CERKL: variants seen among roughly 807,000 people sequenced by gnomAD.
CERKL encodes the protein ceramide kinase-like protein.
Under a neutral mutation model 63.4 loss-of-function variants are expected in CERKL, and 61 were observed. The observed-to-expected ratio is 0.96, with a 90% confidence interval of 0.78 to 1.19. The LOEUF (loss-of-function observed/expected upper bound fraction) is 1.19. Among genes scored for constraint, CERKL ranks in the 50% most tolerant of loss-of-function variants. The probability of loss-of-function intolerance (pLI) is 0.00; values close to 1 mark genes in which losing one functional copy is unlikely to be tolerated. For missense variants in CERKL, 675 were observed against 655.5 expected, an observed-to-expected ratio of 1.03 and a Z score of -0.33; for synonymous variants, 250 against 230.5, an observed-to-expected ratio of 1.08 and a Z score of -0.77.
chr2:181,610,421 G>T (rs1018053222), intron 1 of CERKL, among the ~76,000 whole-genome samples: 15 of 152,124 alleles, frequency 9.9e-5, no homozygotes, highest in African/African-American at 2.9e-4. Flanking sequence ...AACAAGTTGG[G>T]AATATGTATC....
rs1559066750 is a variant in CERKL, at chr2:181,539,103, C to A, written c.1527G>T (p.Glu509Asp). 1 of 1,602,664 alleles carries A rather than the reference C, an allele frequency of 6.2e-7. No individual in the cohort carries two copies. Among genetic ancestry groups the A allele is most frequent in the Non-Finnish European group, 8.5e-7 (1 of 1,170,030 alleles). The change falls in exon 12 of 13, where the codon GAG (glutamate) becomes GAT (aspartate). Residue 509 changes from glutamate to aspartate, a missense_variant. Glu to Asp is a conservative substitution (Grantham distance 45). Transcript: ENST00000410087. ...ATAAATAGACTTACCTAATATGGAC[C>A]TCTGATGCAACTTCCATTAAGTCAC... The part of the protein sequence containing the change: ...VDGDLMEVAS[E>D]VHIRLHPRLI...
intron 2 of CERKL, among the ~76,000 whole-genome samples, chr2:181,588,135 T>G (rs908415291): frequency 1.3e-5 from 2 of 152,124 alleles, no homozygotes; most frequent in African/African-American, 4.8e-5. Flanking sequence ...AATCTACTCT[T>G]AACAATTTTC....
chr2:181,618,380 T>C (rs1470263888), intron 1 of CERKL, among the ~76,000 whole-genome samples: 2 of 152,084 alleles, frequency 1.3e-5, no homozygotes, highest in African/African-American at 4.8e-5. Context: ...ATGTTATTTA[T>C]GTTAATATGC....
At chr2:181,573,590 A>T (rs985787798) in intron 3 of CERKL, among the ~76,000 whole-genome samples, 163 bp downstream of exon 3, 2 of 152,172 alleles carry the variant, frequency 1.3e-5, no homozygotes, top group African/African-American at 4.8e-5. Context: ...TAACAAAAAT[A>T]ATTAAATTAT....
In CERKL at chr2:181,550,778, A is replaced by G. The variant is rs1363997909; in HGVS notation, c.821-1070T>C. 1.3e-5 allele frequency among the ~76,000 whole-genome samples: 2 copies of G among 152,176 alleles called. No individual in the cohort carries two copies. The highest frequency in any genetic ancestry group is 2.9e-5 in the Non-Finnish European group (2 of 68,028). On this transcript the variant is annotated intron_variant, in intron 5 of 12. Coordinates refer to ENST00000410087, the MANE Select transcript of CERKL (RefSeq NM_201548.5). This position sits in a 1 kb window ranked among gnomAD's most constrained non-coding sequence, Gnocchi z 4.5. ...GCCATTATCAACCAAGAGGTCATTA[A>G]TATCATAATTTTTTAGGTAACTAAG...
intron 1 of CERKL, among the ~76,000 whole-genome samples, chr2:181,644,824 TA>T (rs951567781): frequency 3.6e-4 from 55 of 151,890 alleles, no homozygotes; most frequent in African/African-American, 8.5e-4. Context: ...ATCATTCAAA[TA>T]AAAAAAAGCA....
chr2:181,590,691 T>C (rs1450582031), intron 2 of CERKL, among the ~76,000 whole-genome samples: 1 of 152,204 alleles, frequency 6.6e-6, no homozygotes, highest in Non-Finnish European at 1.5e-5. Flanking sequence ...GATGCTGAAC[T>C]TTAATGTATT....
At chr2:181,603,267 G>A (rs1685532910) in intron 2 of CERKL, among the ~76,000 whole-genome samples, 1 of 152,056 alleles carries the variant, frequency 6.6e-6, no homozygotes, top group South Asian at 2.1e-4. Flanking sequence ...TTCTTATATA[G>A]TTCAAAAAAG....
chr2:181,550,398 G>A lies in CERKL; in HGVS notation c.821-690C>T, dbSNP rs567555837. 4.6e-5 allele frequency among the ~76,000 whole-genome samples: 7 copies of A among 152,228 alleles called. No homozygotes were observed. In the South Asian group the frequency reaches 1.2e-3, roughly 27 times the overall value. On this transcript the variant is annotated intron_variant, in intron 5 of 12. Coordinates refer to ENST00000410087, the MANE Select transcript of CERKL (RefSeq NM_201548.5). This position sits in a 1 kb window ranked among gnomAD's most constrained non-coding sequence, Gnocchi z 4.5. Reference sequence around the variant, plus strand: ...CCACCAGTCCACAGAGGCAAAGAGCGCCCTAAGTCAGGCCCCTTTAATGTT... The same window carrying A: ...CCACCAGTCCACAGAGGCAAAGAGCACCCTAAGTCAGGCCCCTTTAATGTT...
At position 181,537,489 on chromosome 2, in the gene CERKL, C is replaced by A. The variant is rs1687203929; in HGVS notation, c.*695G>T. 2.2e-6 allele frequency: 1 copy of A among 453,418 alleles called. No homozygotes were observed. Among genetic ancestry groups the A allele is most frequent in the South Asian group, 1.6e-5 (1 of 64,450 alleles). The allele number at this position is 453,418 out of a possible 1,614,324, so 28.1% of individuals were successfully genotyped here. On this transcript the variant is annotated 3_prime_UTR_variant, in exon 13 of 13. Coordinates refer to ENST00000410087, the MANE Select transcript of CERKL (RefSeq NM_201548.5). The stretch of plus-strand genomic sequence containing the variant: ...TTTAAGAAGACAGGGATGGGTTATT[C>A]TTTTTTGGCAGGTAGGCTATATAAC...
At chr2:181,610,928 A>G (rs913842340) in intron 1 of CERKL, among the ~76,000 whole-genome samples, 2 of 152,206 alleles carry the variant, frequency 1.3e-5, no homozygotes, top group African/African-American at 2.4e-5. Context: ...TTTAGCTAAA[A>G]TAATACTTAT....
chr2:181,570,853 CATCAT>C (rs1049935370), intron 3 of CERKL, among the ~76,000 whole-genome samples: 36 of 152,204 alleles, frequency 2.4e-4, no homozygotes, highest in African/African-American at 8.4e-4. Context: ...CTAATTAACT[CATCAT>C]ATAGGGTTTA....
rs114748975 is a variant in CERKL at position 181,654,940 on chromosome 2, C to A, written c.238+1829G>T. Among the ~76,000 whole-genome samples the A allele has an allele frequency of 5.7e-3, 866 of 152,216 alleles. 5 individuals carry two copies. The highest frequency in any genetic ancestry group is 9.0e-3 in the Non-Finnish European group (611 of 68,016). On this transcript the variant is annotated intron_variant, in intron 1 of 12. Transcript: ENST00000410087. ...GCTGGGATTACAGGGACACACCACG[C>A]CTGGCTATATTTTACCTAAATAAAA...
At chr2:181,577,020 A>T (rs373784537) in intron 2 of CERKL, among the ~76,000 whole-genome samples, 10 of 152,268 alleles carry the variant, frequency 6.6e-5, no homozygotes, top group South Asian at 4.1e-4. Context: ...TAAAACATAG[A>T]TTCTGGGCTC....
At chr2:181,603,139 T>A in intron 2 of CERKL, 1 of 270,476 alleles carries the variant, frequency 3.7e-6, no homozygotes, top group South Asian at 3.6e-5. Context: ...AAATAGGTAA[T>A]TCTCAATTAC....
intron 1 of CERKL, among the ~76,000 whole-genome samples, chr2:181,639,618 C>T (rs1687334610): frequency 1.3e-5 from 2 of 152,148 alleles, no homozygotes; most frequent in African/African-American, 2.4e-5. Flanking sequence ...GACCATGATG[C>T]TTTACTACCA....
intron 4 of CERKL, among the ~76,000 whole-genome samples, chr2:181,561,461 A>G (rs187981056): frequency 7.8e-4 from 119 of 152,158 alleles, no homozygotes; most frequent in African/African-American, 2.5e-3. Context: ...CTTGGTAGCA[A>G]TAAGATCCCC....
In CERKL at chr2:181,537,846, G is replaced by A. The variant is rs1313439287; in HGVS notation, c.*338C>T. ...TTGTTAGTAACATCAATTTCTATTA[G>A]GATATCCGTTTGGCCACACAGCAGG... On this transcript the variant is annotated 3_prime_UTR_variant, in exon 13 of 13. Coordinates refer to ENST00000410087, the MANE Select transcript of CERKL (RefSeq NM_201548.5). 1 of 497,760 alleles carries A rather than the reference G, an allele frequency of 2.0e-6. No individual in the cohort carries two copies. Among genetic ancestry groups the A allele is most frequent in the Non-Finnish European group, 3.9e-6 (1 of 256,020 alleles). The allele number at this position is 497,760 out of a possible 1,614,324, so 30.8% of individuals were successfully genotyped here. A position where few individuals can be genotyped will look rare whatever the true frequency, so the allele number is the denominator to read the frequency against.
chr2:181,635,232 CATTAAA>C (rs1687122667), intron 1 of CERKL, among the ~76,000 whole-genome samples: 1 of 152,048 alleles, frequency 6.6e-6, no homozygotes, highest in South Asian at 2.1e-4. Context: ...CAATGAAAAA[CATTAAA>C]ATAACCTGTA....
Sources: gnomAD v4.1 joint callset for allele counts (sites outside exome capture counted in the v4.1 genomes callset) on GRCh38, gnomAD v4.1.1 for gene constraint, Gnocchi (gnomAD v3.1) non-coding constraint, MANE v1.5 for transcripts, NCBI Gene and HGNC (gene_info 2026-07-23, HGNC 2026-07-21) for gene names.